Variants in AGBL1 observed in about 807,000 individuals in gnomAD.
AGBL1 encodes cytosolic carboxypeptidase 4.
AGBL1 carries 130 observed loss-of-function variants against 118.9 expected under a neutral mutation model. The observed-to-expected ratio is 1.09, with a 90% CI of 0.95 to 1.26. The LOEUF is 1.26. AGBL1 is among the 50% of genes most tolerant of loss of function. The probability of loss-of-function intolerance (pLI) is 0.00; values close to 1 mark genes in which losing one functional copy is unlikely to be tolerated. For missense variants in AGBL1, 1,584 were observed against 1,298.1 expected, an observed-to-expected ratio of 1.22 and a Z score of -3.38; for synonymous variants, 555 against 478.9, an observed-to-expected ratio of 1.16 and a Z score of -2.08.
chr15:86,626,523 G>C (rs1289915017), intron 21 of AGBL1, among the ~76,000 whole-genome samples: 1 of 152,186 alleles, frequency 6.6e-6, no homozygotes, highest in Non-Finnish European at 1.5e-5. Context: ...TGGGAGGAGG[G>C]AGAGGAGCAA....
At chr15:86,326,069 C>G (rs2080178680) in intron 17 of AGBL1, among the ~76,000 whole-genome samples, 1 of 152,204 alleles carries the variant, frequency 6.6e-6, no homozygotes. Context: ...GAGTGCAGCT[C>G]TGGTCCCATT....
At chr15:86,950,306 TAAA>T (rs1341951701) in intron 23 of AGBL1, among the ~76,000 whole-genome samples, 4 of 150,724 alleles carry the variant, frequency 2.7e-5, no homozygotes, top group African/African-American at 9.7e-5. Flanking sequence ...ACTAATGGAA[TAAA>T]AAACAAATGT....
intron 18 of AGBL1, among the ~76,000 whole-genome samples, chr15:86,437,777 G>A (rs1203335864): frequency 1.3e-5 from 2 of 152,172 alleles, no homozygotes; most frequent in Non-Finnish European, 2.9e-5. Flanking sequence ...TTTCTATCAT[G>A]AGTGGCGTGT....
At chr15:86,675,014 T>C (rs2085813786) in intron 22 of AGBL1, among the ~76,000 whole-genome samples, 1 of 152,200 alleles carries the variant, frequency 6.6e-6, no homozygotes, top group Non-Finnish European at 1.5e-5. Context: ...GGAGAACCAT[T>C]ATCCAAATGA....
chr15:86,290,453 T>C (rs2079526647), intron 16 of AGBL1, among the ~76,000 whole-genome samples: 1 of 150,908 alleles, frequency 6.6e-6, no homozygotes, highest in Admixed American at 6.6e-5. Context: ...CAGGCTCAAG[T>C]GATCCTCCCA....
intron 18 of AGBL1, among the ~76,000 whole-genome samples, chr15:86,456,819 T>C (rs1010801015): frequency 6.6e-6 from 1 of 152,198 alleles, no homozygotes; most frequent in African/African-American, 2.4e-5. Context: ...ATTGGTTTTA[T>C]AAAATAGAGC....
At chr15:87,001,104 C>A (rs2081432501) in intron 24 of AGBL1, among the ~76,000 whole-genome samples, 2 of 138,508 alleles carry the variant, frequency 1.4e-5, no homozygotes, top group African/African-American at 2.8e-5. Context: ...GCTGAAGTTG[C>A]TTATCAGCTT....
At chr15:86,786,933 G>A (rs1366595029) in intron 22 of AGBL1, among the ~76,000 whole-genome samples, 1 of 152,140 alleles carries the variant, frequency 6.6e-6, no homozygotes, top group Non-Finnish European at 1.5e-5. Context: ...TCTTCTGGAT[G>A]TTGCCAAATT....
intron 17 of AGBL1, among the ~76,000 whole-genome samples, chr15:86,381,471 G>C (rs183238435): frequency 1.1e-3 from 173 of 152,030 alleles, no homozygotes; most frequent in African/African-American, 4.0e-3. Flanking sequence ...GCTCCAGGAA[G>C]ACTGGAAACT....
intron 22 of AGBL1, among the ~76,000 whole-genome samples, chr15:86,699,670 A>C (rs2086322593): frequency 6.6e-6 from 1 of 152,054 alleles, no homozygotes; most frequent in African/African-American, 2.4e-5. Context: ...CAAGAATACC[A>C]CAGGGACGGT....
chr15:86,701,571 T>C (rs1274353588), intron 22 of AGBL1, among the ~76,000 whole-genome samples: 1 of 152,050 alleles, frequency 6.6e-6, no homozygotes, highest in Non-Finnish European at 1.5e-5. Context: ...GAATGGTCTC[T>C]AGAGATTAGG....
chr15:86,478,062 G>A (rs138338312), intron 18 of AGBL1, among the ~76,000 whole-genome samples: 2,011 of 152,212 alleles, frequency 0.013, 19 homozygotes, highest in Non-Finnish European at 0.021. Context: ...CAATAAATTA[G>A]GTACTGAAGG....
intron 23 of AGBL1, among the ~76,000 whole-genome samples, chr15:86,944,911 A>G (rs544869906): frequency 6.6e-6 from 1 of 152,346 alleles, no homozygotes; most frequent in Non-Finnish European, 1.5e-5. Context: ...TACTTACAGT[A>G]GGACAACGGC....
chr15:86,995,834 T>C (rs559157146), intron 24 of AGBL1, among the ~76,000 whole-genome samples: 6 of 152,338 alleles, frequency 3.9e-5, no homozygotes, highest in African/African-American at 1.4e-4. Flanking sequence ...TCTTTTCATA[T>C]TTGTAAATAA....
chr15:86,561,833 G>A (rs967749759), intron 21 of AGBL1, among the ~76,000 whole-genome samples: 1 of 152,128 alleles, frequency 6.6e-6, no homozygotes, highest in African/African-American at 2.4e-5. Context: ...ATTTCATTGA[G>A]CAGTGGTTTG....
intron 22 of AGBL1, among the ~76,000 whole-genome samples, chr15:86,772,899 G>A (rs1168579897): frequency 7.2e-5 from 11 of 151,992 alleles, no homozygotes; most frequent in Admixed American, 5.3e-4. Context: ...GAGGGAATGG[G>A]TTAAGGAGTG....
intron 1 of AGBL1, among the ~76,000 whole-genome samples, chr15:86,141,318 CA>C (rs1444109822): frequency 6.6e-6 from 1 of 152,194 alleles, no homozygotes; most frequent in Non-Finnish European, 1.5e-5. Flanking sequence ...GTCTTTTCGT[CA>C]GAACATTTTA....
chr15:86,114,976 A>C (rs1897664822), intron 1 of AGBL1, among the ~76,000 whole-genome samples: 1 of 152,126 alleles, frequency 6.6e-6, no homozygotes, highest in African/African-American at 2.4e-5. Flanking sequence ...CTCTCATGTG[A>C]AAAGGGCTGA....
At chr15:86,349,578 T>C (rs575945990) in intron 17 of AGBL1, among the ~76,000 whole-genome samples, 1 of 152,346 alleles carries the variant, frequency 6.6e-6, no homozygotes, top group Admixed American at 6.5e-5. Context: ...TTAATGTTAA[T>C]TGATATGTAC....
Sources: gnomAD v4.1 joint callset for allele counts (sites outside exome capture counted in the v4.1 genomes callset) on GRCh38, gnomAD v4.1.1 for gene constraint, MANE v1.5 for transcripts, NCBI Gene and HGNC (gene_info 2026-07-23, HGNC 2026-07-21) for gene names.